Variants in NPR3 observed in about 807,000 individuals in gnomAD.
NPR3 encodes the protein atrial natriuretic peptide receptor 3.
A neutral mutation model predicts 54.5 loss-of-function variants in NPR3; 34 were observed. The observed-to-expected ratio is 0.62, with a 90% CI of 0.47 to 0.83. NPR3 has a LOEUF of 0.83. NPR3 is among the 40% of genes least tolerant of loss of function. The pLI is 0.00. For missense variants in NPR3, 674 were observed against 720.8 expected (o/e 0.94, Z 0.74); for synonymous variants, 289 against 297.1 (o/e 0.97, Z 0.28).
rs371535506 is a variant in NPR3, at chr5:32,750,008, A to C, written c.1059+10978A>C. Among the ~76,000 whole-genome samples the C allele has an allele frequency of 1.2e-4, 18 of 152,176 alleles. No individual in the cohort carries two copies. The East Asian group carries it at 2.9e-3, about 24-fold the overall frequency. On this transcript the variant is annotated intron_variant, in intron 3 of 7. Transcript: ENST00000265074. ...TGCATCCCCCACCTCCAGAGGTGAC[A>C]GTGACTCCAATTCTAGAGCCTCTGA... is the stretch of plus-strand genomic sequence containing the variant.
intron 3 of NPR3, among the ~76,000 whole-genome samples, chr5:32,767,661 T>C (rs1236260742): frequency 6.6e-6 from 1 of 152,168 alleles, no homozygotes; most frequent in Non-Finnish European, 1.5e-5. Flanking sequence ...GGAGTTGGGG[T>C]TCTGGATCTT....
At chr5:32,757,829 A>C (rs1324122240) in intron 3 of NPR3, among the ~76,000 whole-genome samples, 1 of 152,148 alleles carries the variant, frequency 6.6e-6, no homozygotes, top group Non-Finnish European at 1.5e-5. Context: ...GAATTTTGTC[A>C]AAGGCCTTTT....
At chr5:32,710,661 C>T (rs1367650581), upstream of NPR3, 2 of 1,509,722 alleles carry the variant, frequency 1.3e-6, no homozygotes, top group South Asian at 1.3e-5. Flanking sequence ...ACCAGGTCCG[C>T]GATGGAGCCA....
chr5:32,784,152 C>G (rs1273654512), intron 6 of NPR3, among the ~76,000 whole-genome samples: 1 of 152,070 alleles, frequency 6.6e-6, no homozygotes, highest in Non-Finnish European at 1.5e-5. Flanking sequence ...AATAAGAAGC[C>G]CTGGGTCAGT....
chr5:32,717,598 A>G (rs555712165), intron 1 of NPR3, among the ~76,000 whole-genome samples: 3 of 152,210 alleles, frequency 2.0e-5, no homozygotes, highest in Non-Finnish European at 4.4e-5. Flanking sequence ...TATTTCTCTG[A>G]TGACCAGTGA....
Position 32,782,952 on chromosome 5 carries a change from T to C in NPR3, c.1350T>C (p.Tyr450=). Residue 450 remains tyrosine, a synonymous_variant, in exon 6 of 8, where the codon TAT becomes TAC. Transcript: ENST00000265074. Reference sequence around the variant, plus strand: ...TTGAAATGCGGCCGAATGTCAAATATCCTTGGGGCCCTTTAAAACTGAGAA... The same window carrying C: ...TTGAAATGCGGCCGAATGTCAAATACCCTTGGGGCCCTTTAAAACTGAGAA... The part of the protein sequence containing the change: ...GRFEMRPNVK[Y]PWGPLKLRID... 2 of 1,611,256 alleles carry C rather than the reference T, an allele frequency of 1.2e-6. No individual in the cohort carries two copies. The highest frequency in any genetic ancestry group is 1.7e-6 in the Non-Finnish European group (2 of 1,178,356).
chr5:32,724,625 C>T, intron 1 of NPR3, 73 bp from the exon 2 acceptor site: 2 of 1,572,874 alleles, frequency 1.3e-6, no homozygotes, highest in African/African-American at 1.3e-5. Flanking sequence ...GTCAGATGTC[C>T]CTTACTGGTG....
At chr5:32,728,049 A>G (rs542853219) in intron 2 of NPR3, among the ~76,000 whole-genome samples, 1 of 152,352 alleles carries the variant, frequency 6.6e-6, no homozygotes, top group South Asian at 2.1e-4. Context: ...TTGGGCCACC[A>G]TGGCATTCTT....
At chr5:32,778,405 C>A (rs916342916) in intron 4 of NPR3, among the ~76,000 whole-genome samples, 38 of 152,164 alleles carry the variant, frequency 2.5e-4, no homozygotes, top group African/African-American at 8.7e-4. Flanking sequence ...AAATTGAAAA[C>A]AATTTTAACT....
At chr5:32,769,979 C>T (rs1363468804) in intron 3 of NPR3, among the ~76,000 whole-genome samples, 1 of 152,192 alleles carries the variant, frequency 6.6e-6, no homozygotes, top group Non-Finnish European at 1.5e-5. Flanking sequence ...AGAAGATAAA[C>T]AGCAGCAACA....
In NPR3 at chr5:32,720,848, C is replaced by G. The variant is rs1738818239; in HGVS notation, c.770-3850C>G. On this transcript the variant is annotated intron_variant, in intron 1 of 7. Coordinates refer to ENST00000265074, the MANE Select transcript of NPR3 (RefSeq NM_001204375.2). ...TCTCCTGAATATGCTGCACACTTCTCATACTTCTTCATATACTTTCTAAGA... is the reference window on the plus strand; with the variant it reads ...TCTCCTGAATATGCTGCACACTTCTGATACTTCTTCATATACTTTCTAAGA... 2.0e-5 allele frequency among the ~76,000 whole-genome samples: 3 copies of G among 152,272 alleles called. No individual in the cohort carries two copies. In the South Asian group the frequency reaches 6.2e-4, roughly 32 times the overall value.
intron 1 of NPR3, among the ~76,000 whole-genome samples, chr5:32,694,333 A>C (rs1206195649): frequency 6.6e-6 from 1 of 152,230 alleles, no homozygotes. Context: ...ACAACATAAC[A>C]ATATTGTCTA....
Position 32,692,551 on chromosome 5 carries a change from C to T in NPR3, c.100+3365C>T, listed in dbSNP as rs534875468. On this transcript the variant is annotated intron_variant, in intron 1 of 5. Coordinates refer to the NPR3 transcript ENST00000509104. ...GAATTTGATGTTACAATATGATTAC[C>T]AAAAATATGAGAGGGCAAATGTCAA... Among the ~76,000 whole-genome samples the T allele has an allele frequency of 2.0e-5, 3 of 152,210 alleles. No individual in the cohort carries two copies. The South Asian group carries it at 6.2e-4, about 32-fold the overall frequency.
intron 1 of NPR3, among the ~76,000 whole-genome samples, chr5:32,717,211 C>A (rs993720895): frequency 6.6e-6 from 1 of 152,168 alleles, no homozygotes; most frequent in Non-Finnish European, 1.5e-5. Flanking sequence ...CATAGTATTC[C>A]ATGATGTATA....
intron 3 of NPR3, among the ~76,000 whole-genome samples, chr5:32,757,108 A>G (rs191947940): frequency 1.0e-3 from 152 of 152,322 alleles, no homozygotes; most frequent in African/African-American, 3.0e-3. Context: ...GTTCCATATG[A>G]ACTTTAAAGT....
chr5:32,699,986 T>C (rs560491518), intron 1 of NPR3, among the ~76,000 whole-genome samples: 1 of 152,222 alleles, frequency 6.6e-6, no homozygotes, highest in Non-Finnish European at 1.5e-5. Context: ...AGTTTAAAAG[T>C]TTTTTCCTTC....
At chr5:32,736,299 G>C (rs554997108) in intron 2 of NPR3, among the ~76,000 whole-genome samples, 1 of 151,546 alleles carries the variant, frequency 6.6e-6, no homozygotes, top group Non-Finnish European at 1.5e-5. Flanking sequence ...TTAGATTGTG[G>C]TAGACAGATT....
At chr5:32,749,720 C>G (rs1740479098) in intron 3 of NPR3, among the ~76,000 whole-genome samples, 1 of 152,170 alleles carries the variant, frequency 6.6e-6, no homozygotes, top group East Asian at 1.9e-4. Flanking sequence ...AGACTTATTA[C>G]TTAAACCCAA....
At chr5:32,750,216 C>T (rs1380661449) in intron 3 of NPR3, among the ~76,000 whole-genome samples, 2 of 152,210 alleles carry the variant, frequency 1.3e-5, no homozygotes, top group East Asian at 3.9e-4. Context: ...GCAACCTCCG[C>T]TTCCCAGGGT....
Sources: gnomAD v4.1 joint callset for allele counts (sites outside exome capture counted in the v4.1 genomes callset) on GRCh38, gnomAD v4.1.1 for gene constraint, MANE v1.5 for transcripts, NCBI Gene and HGNC (gene_info 2026-07-23, HGNC 2026-07-21) for gene names.